Variants in VTI1A observed in about 807,000 individuals in gnomAD.
VTI1A encodes the protein vesicle transport through interaction with t-SNAREs 1A, also known as vesicle transport through interaction with t-SNAREs homolog 1A.
A neutral mutation model predicts 34.9 loss-of-function variants in VTI1A; 22 were observed. That is an observed-to-expected ratio of 0.63 (90% CI 0.45 to 0.90). VTI1A has a LOEUF of 0.90. VTI1A is among the 40% of genes least tolerant of loss of function. The pLI is 0.00. For missense variants in VTI1A, 268 were observed against 275.6 expected (o/e 0.97, Z 0.20); for synonymous variants, 87 against 97.3 (o/e 0.89, Z 0.62).
chr10:112,535,286 T>A (rs541650641), intron 4 of VTI1A, among the ~76,000 whole-genome samples: 1 of 152,196 alleles, frequency 6.6e-6, no homozygotes, highest in African/African-American at 2.4e-5. Context: ...GATATAGATC[T>A]AGCATTGATA....
At chr10:112,519,134 A>T (rs918837635) in intron 3 of VTI1A, among the ~76,000 whole-genome samples, 1 of 152,112 alleles carries the variant, frequency 6.6e-6, no homozygotes, top group Non-Finnish European at 1.5e-5. Flanking sequence ...TGGGTCCAAA[A>T]GTAAGTACCA....
chr10:112,743,619 C>G (rs890905866), intron 7 of VTI1A, among the ~76,000 whole-genome samples: 19 of 152,154 alleles, frequency 1.2e-4, no homozygotes, highest in African/African-American at 4.6e-4. Context: ...TCATGCCCAA[C>G]CCTCTCTGCC....
chr10:112,592,976 A>G (rs1348984266), intron 5 of VTI1A, among the ~76,000 whole-genome samples: 1 of 152,210 alleles, frequency 6.6e-6, no homozygotes, highest in Non-Finnish European at 1.5e-5. Flanking sequence ...GAAGAAGGAA[A>G]GGAACAATTG....
At chr10:112,800,950 G>A (rs1354880638) in intron 7 of VTI1A, among the ~76,000 whole-genome samples, 1 of 152,164 alleles carries the variant, frequency 6.6e-6, no homozygotes, top group African/African-American at 2.4e-5. Context: ...TCCTAGATTC[G>A]AATCCAAGCA....
intron 5 of VTI1A, among the ~76,000 whole-genome samples, chr10:112,584,291 A>G (rs1209396642): frequency 1.3e-5 from 2 of 152,184 alleles, no homozygotes; most frequent in Non-Finnish European, 2.9e-5. Context: ...AGAATAGATA[A>G]CAGAAATTAA....
chr10:112,793,566 GT>G (rs1334440139), intron 7 of VTI1A, among the ~76,000 whole-genome samples: 4 of 152,054 alleles, frequency 2.6e-5, no homozygotes, highest in Admixed American at 6.5e-5. Context: ...TCTCTCTTTT[GT>G]TTGTTTGTCT....
chr10:112,538,186 CA>C (rs1252677442), intron 4 of VTI1A, 59 bp from the exon 5 acceptor site: 110 of 1,467,522 alleles, frequency 7.5e-5, no homozygotes, highest in South Asian at 1.8e-4. Flanking sequence ...TTTTTTAAGG[CA>C]AAAAAAAGAA....
At chr10:112,724,628 C>T (rs2133946075) in intron 7 of VTI1A, among the ~76,000 whole-genome samples, 1 of 152,202 alleles carries the variant, frequency 6.6e-6, no homozygotes, top group Non-Finnish European at 1.5e-5. Flanking sequence ...TGCATTCCCT[C>T]ATGTAATCTG....
intron 7 of VTI1A, among the ~76,000 whole-genome samples, chr10:112,763,312 C>T (rs1011113928): frequency 3.3e-5 from 5 of 151,840 alleles, no homozygotes; most frequent in Admixed American, 6.6e-5. Context: ...TGGTGGCAGG[C>T]GCCTGTAGTC....
rs1264714356 is a variant in VTI1A, at chr10:112,619,084, A to G, written c.428-49134A>G. Among the ~76,000 whole-genome samples, 5 of 150,828 alleles carry G rather than the reference A, an allele frequency of 3.3e-5. No homozygotes were observed. The South Asian group carries it at 1.0e-3, about 32-fold the overall frequency. Reference sequence around the variant, plus strand: ...CACAGTTTTTTTTTTTTTTTAAGGAACTAATATATGTTGTGCAGTGTGTTC... The same window carrying G: ...CACAGTTTTTTTTTTTTTTTAAGGAGCTAATATATGTTGTGCAGTGTGTTC... On this transcript the variant is annotated intron_variant, in intron 5 of 7. Transcript: ENST00000393077.
At chr10:112,788,006 A>ATG (rs1852347134) in intron 7 of VTI1A, among the ~76,000 whole-genome samples, 1 of 151,168 alleles carries the variant, frequency 6.6e-6, no homozygotes, top group Admixed American at 6.6e-5. Context: ...TGGCCACCAA[A>ATG]TTACTTTCTA....
At chr10:112,719,434 CTTTA>C (rs747104334) in intron 7 of VTI1A, among the ~76,000 whole-genome samples, 6 of 151,894 alleles carry the variant, frequency 4.0e-5, no homozygotes, top group Admixed American at 2.6e-4. Context: ...TTTTTAACAG[CTTTA>C]TTGAGATATA....
Position 112,597,869 on chromosome 10 carries a change from T to C in VTI1A, c.427+59539T>C, listed in dbSNP as rs550853779. On this transcript the variant is annotated intron_variant, in intron 5 of 7. Transcript: ENST00000393077. ...CCCGCCACCACGCCCGGCTAATTTT[T>C]TGTATTTTTAGTAGAGGCGGGGTTT... Among the ~76,000 whole-genome samples, 5 of 151,460 alleles carry C rather than the reference T, an allele frequency of 3.3e-5. No homozygotes were observed. The East Asian group carries it at 7.8e-4, about 24-fold the overall frequency.
intron 7 of VTI1A, among the ~76,000 whole-genome samples, chr10:112,763,425 C>T (rs948024288): frequency 1.1e-4 from 16 of 141,540 alleles, no homozygotes; most frequent in South Asian, 2.2e-4. Flanking sequence ...GGCTACAGAG[C>T]GAGACACCAT....
At chr10:112,727,134 T>A (rs1227932302) in intron 7 of VTI1A, among the ~76,000 whole-genome samples, 1 of 152,168 alleles carries the variant, frequency 6.6e-6, no homozygotes, top group African/African-American at 2.4e-5. Flanking sequence ...ATAGCAGTCA[T>A]GCAAAAAGGC....
chr10:112,737,119 G>T, intron 7 of VTI1A: 1 of 284,508 alleles, frequency 3.5e-6, no homozygotes, highest in South Asian at 7.6e-5. Flanking sequence ...TCGCCTGGCT[G>T]GAGTGGAGTG....
intron 3 of VTI1A, among the ~76,000 whole-genome samples, chr10:112,526,670 T>C (rs1850236012): frequency 6.6e-6 from 1 of 152,094 alleles, no homozygotes; most frequent in Non-Finnish European, 1.5e-5. Flanking sequence ...AAGTGCTAAA[T>C]TGAAAGCTTT....
intron 7 of VTI1A, among the ~76,000 whole-genome samples, chr10:112,671,205 C>T (rs1005551632): frequency 6.6e-6 from 1 of 152,164 alleles, no homozygotes; most frequent in Non-Finnish European, 1.5e-5. Context: ...TACAACCCTC[C>T]CATTCATATG....
chr10:112,654,128 T>G (rs1847139147), intron 5 of VTI1A, among the ~76,000 whole-genome samples: 1 of 152,170 alleles, frequency 6.6e-6, no homozygotes, highest in African/African-American at 2.4e-5. Context: ...GTTAGGAGTT[T>G]TACTAAAAGA....
Sources: allele counts gnomAD v4.1 joint callset (sites outside exome capture counted in the v4.1 genomes callset), GRCh38; gene constraint gnomAD v4.1.1; transcripts MANE v1.5; gene names NCBI Gene and HGNC (gene_info 2026-07-23, HGNC 2026-07-21).